Variants in PRRC2B observed in about 807,000 individuals in gnomAD.
The protein encoded by PRRC2B is proline rich coiled-coil 2B.
Under a neutral mutation model 242.3 loss-of-function variants are expected in PRRC2B, and 68 were observed. The observed-to-expected ratio is 0.28, with a 90% confidence interval of 0.23 to 0.34. The LOEUF is 0.34. Among genes scored for constraint, PRRC2B ranks in the 10% least tolerant of loss-of-function variants. The probability of loss-of-function intolerance (pLI) is 1.00; values close to 1 mark genes in which losing one functional copy is unlikely to be tolerated. For synonymous variants in PRRC2B, 1,228 were observed against 1,173.6 expected, an observed-to-expected ratio of 1.05 and a Z score of -0.95; for missense variants, 2,835 against 2,954.8, an observed-to-expected ratio of 0.96 and a Z score of 0.94.
At position 131,437,309 on chromosome 9, in the gene PRRC2B, C is replaced by T. The variant is rs746530702; in HGVS notation, c.396+587C>T. Among the ~76,000 whole-genome samples the T allele has an allele frequency of 3.3e-5, 5 of 152,302 alleles. 1 individual carries two copies. The highest frequency in any genetic ancestry group is 4.1e-4 in the South Asian group (2 of 4,820). On this transcript the variant is annotated intron_variant, in intron 4 of 31. Coordinates refer to ENST00000683519, the MANE Select transcript of PRRC2B (RefSeq NM_013318.4). ...CTAGGGACTAATGTCTCTCAGAACACGCTTTGGGAAATACGAAGCTACAAT... is the reference window on the plus strand; with the variant it reads ...CTAGGGACTAATGTCTCTCAGAACATGCTTTGGGAAATACGAAGCTACAAT...
chr9:131,474,210 C>T (rs56025430), intron 15 of PRRC2B, among the ~76,000 whole-genome samples: 1,526 of 152,310 alleles, frequency 0.01, 23 homozygotes, highest in Non-Finnish European at 0.013. Context: ...CTCTCAAGGA[C>T]TCCAGGGGCC....
rs749125303 is a variant in PRRC2B, at chr9:131,459,338, A to G, written c.1386A>G (p.Ala462=). ...CGCCCAGGAAGCTTCATGGCTGGGCACCAGGCCCTGACTACCAGGTACCAA... is the reference window on the plus strand; with the variant it reads ...CGCCCAGGAAGCTTCATGGCTGGGCGCCAGGCCCTGACTACCAGGTACCAA... ...QPPPRKLHGW[A]PGPDYQKSSM... is the part of the protein sequence containing the mutation. The change falls in exon 11 of 32, where the codon GCA becomes GCG. Residue 462 remains alanine (A), a synonymous_variant. Coordinates refer to ENST00000683519, the MANE Select transcript of PRRC2B (RefSeq NM_013318.4). 2 of 1,613,330 alleles carry G rather than the reference A, an allele frequency of 1.2e-6. No homozygotes were observed. Among genetic ancestry groups the G allele is most frequent in the African/African-American group, 2.7e-5 (2 of 74,928 alleles).
chr9:131,476,143 G>C lies in PRRC2B; in HGVS notation c.4014G>C (p.Gln1338His). ...AGGAGCCCCACCTGCTGGCAGGTCA[G>C]TGGCCAGGCAGGCCCAAACTGTGTT... ...PEEEPHLLAG[Q>H]WPGRPKLCSG... The change falls in exon 16 of 32, where the codon CAG becomes CAC. Residue 1338 changes from glutamine to histidine, a missense_variant. Gln to His is a conservative substitution (Grantham distance 24, BLOSUM62 0). This residue lies in a region of PRRC2B where 1,536 missense variants were observed against 1,483.1 expected (regional missense o/e 1.04). Coordinates refer to ENST00000683519, the MANE Select transcript of PRRC2B (RefSeq NM_013318.4). The C allele has an allele frequency of 2.5e-6, 4 of 1,611,482 alleles. No individual in the cohort carries two copies. The highest frequency in any genetic ancestry group is 3.4e-6 in the Non-Finnish European group (4 of 1,178,456).
intron 10 of PRRC2B, 89 bp from the exon 11 acceptor site, chr9:131,459,075 A>AATTGGGAATTCTCAAGGC: frequency 1.7e-6 from 2 of 1,158,540 alleles, no homozygotes; most frequent in Non-Finnish European, 2.5e-6. Context: ...TGGACAGCTG[A>AATTGGGAATTCTCAAGGC]CTTGGGAATT....
intron 28 of PRRC2B, 150 bp downstream of exon 28, chr9:131,488,246 C>T: frequency 1.8e-6 from 2 of 1,139,062 alleles, no homozygotes; most frequent in Non-Finnish European, 2.4e-6. Flanking sequence ...AGGAAATCAG[C>T]CTCTTCTGAG....
intron 16 of PRRC2B, 135 bp from the exon 17 acceptor site, chr9:131,477,609 T>C: frequency 1.6e-6 from 1 of 616,398 alleles, no homozygotes; most frequent in South Asian, 1.9e-5. Context: ...AGCCTGCCGC[T>C]CCTCCCCACC....
Position 131,495,958 on chromosome 9 carries a change from A to G in PRRC2B, c.*84A>G. ...GACACAGCCGACACTCGGGAGCCTCACCAGATCCACCGTCCAAATGCGTGG... is the reference window on the plus strand; with the variant it reads ...GACACAGCCGACACTCGGGAGCCTCGCCAGATCCACCGTCCAAATGCGTGG... On this transcript the variant is annotated 3_prime_UTR_variant, in exon 32 of 32. Transcript: ENST00000683519. The G allele has an allele frequency of 6.5e-7, 1 of 1,545,726 alleles. No individual in the cohort carries two copies. The highest frequency in any genetic ancestry group is 8.8e-7 in the Non-Finnish European group (1 of 1,140,264).
intron 4 of PRRC2B, among the ~76,000 whole-genome samples, 168 bp downstream of exon 4, chr9:131,436,890 G>A (rs1164406456): frequency 6.6e-6 from 1 of 152,152 alleles, no homozygotes; most frequent in Non-Finnish European, 1.5e-5. Context: ...ATGGGAAACC[G>A]TCAAGGTCAG....
chr9:131,478,548 A>T lies in PRRC2B; in HGVS notation c.4687A>T (p.Ile1563Phe), dbSNP rs1378843794. ...GGGTTCTATGGTGGGCGAAGGCTTC[A>T]TCGAAGTCCTGACCAAGAAGCAGCG... ...EVGSMVGEGF[I>F]EVLTKKQRRL... The change falls in exon 18 of 32, where the codon ATC becomes TTC. Residue 1563 changes from isoleucine to phenylalanine, a missense_variant. Physicochemically the swap from Ile to Phe is conservative, Grantham distance 21. Transcript: ENST00000683519. The T allele has an allele frequency of 6.2e-7, 1 of 1,609,030 alleles. No individual in the cohort carries two copies. The highest frequency in any genetic ancestry group is 2.2e-5 in the East Asian group (1 of 44,520).
chr9:131,473,543 A>G lies in PRRC2B; in HGVS notation c.2143A>G (p.Asn715Asp), dbSNP rs756832247. The G allele has an allele frequency of 8.1e-6, 13 of 1,608,660 alleles. No homozygotes were observed. The highest frequency in any genetic ancestry group is 1.1e-5 in the Non-Finnish European group (13 of 1,177,634). The change falls in exon 15 of 32, where the codon AAT (asparagine) becomes GAT (aspartate). Residue 715 changes from asparagine (N) to aspartate (D), a missense_variant. This residue lies in a region of PRRC2B where 1,536 missense variants were observed against 1,483.1 expected (regional missense o/e 1.04). Coordinates refer to ENST00000683519, the MANE Select transcript of PRRC2B (RefSeq NM_013318.4). Reference sequence around the variant, plus strand: ...GCCCATGATGCCCCAGGAGTCCCTCAATGGGACAGGCTGTCGCTCTGAGGA... The same window carrying G: ...GCCCATGATGCCCCAGGAGTCCCTCGATGGGACAGGCTGTCGCTCTGAGGA... ...MKPMMPQESLNGTGCRSEDQN... is the reference protein window; with the variant it reads ...MKPMMPQESLDGTGCRSEDQN...
At chr9:131,409,946 C>A (rs1837464324) in intron 1 of PRRC2B, among the ~76,000 whole-genome samples, 1 of 152,164 alleles carries the variant, frequency 6.6e-6, no homozygotes, top group Non-Finnish European at 1.5e-5. Flanking sequence ...TGTTAATTCA[C>A]CATTATTTGG....
At chr9:131,485,439 G>A (rs3824401) in intron 25 of PRRC2B, among the ~76,000 whole-genome samples, 47,341 of 152,028 alleles carry the variant, frequency 0.31, 8,968 homozygotes, top group Non-Finnish European at 0.44. Flanking sequence ...GAGCCGTGTC[G>A]CCTCGGCTGG....
chr9:131,467,470 G>C, intron 12 of PRRC2B, 93 bp from the exon 13 acceptor site: 1 of 1,133,350 alleles, frequency 8.8e-7, no homozygotes, highest in Non-Finnish European at 1.2e-6. Flanking sequence ...TGGAGCGTAC[G>C]GGCCAACAGG....
chr9:131,451,398 CA>C (rs150870383), intron 9 of PRRC2B, among the ~76,000 whole-genome samples: 21 of 147,368 alleles, frequency 1.4e-4, no homozygotes, highest in African/African-American at 4.0e-4. Flanking sequence ...GACTCCATCT[CA>C]AAAAAAAAAG....
intron 1 of PRRC2B, among the ~76,000 whole-genome samples, chr9:131,397,180 G>A (rs1424904291): frequency 2.0e-5 from 3 of 152,218 alleles, no homozygotes; most frequent in Non-Finnish European, 2.9e-5. Context: ...TAGGCCAGGA[G>A]ATAGTCGCTG....
intron 1 of PRRC2B, among the ~76,000 whole-genome samples, chr9:131,420,508 T>TCTTTCTTTCCTTCTTTCTTTC (rs1837807733): frequency 7.7e-6 from 1 of 129,504 alleles, no homozygotes; most frequent in Non-Finnish European, 1.6e-5. Flanking sequence ...TTTTTTTTTT[T>TCTTTCTTTCCTTCTTTCTTTC]TTGAGATGGA....
chr9:131,377,497 C>T (rs1836702516), intron 1 of PRRC2B, among the ~76,000 whole-genome samples: 2 of 151,790 alleles, frequency 1.3e-5, no homozygotes, highest in Non-Finnish European at 2.9e-5. Context: ...TTTAATTTTT[C>T]CTTTTTCTTT....
chr9:131,438,463 G>A (rs999984921), intron 4 of PRRC2B, among the ~76,000 whole-genome samples: 2 of 152,194 alleles, frequency 1.3e-5, no homozygotes, highest in Non-Finnish European at 2.9e-5. Flanking sequence ...AGGGTTCTCA[G>A]GAGGGGAGCT....
chr9:131,408,567 A>G (rs1234172582), intron 1 of PRRC2B, among the ~76,000 whole-genome samples: 1 of 152,234 alleles, frequency 6.6e-6, no homozygotes, highest in Non-Finnish European at 1.5e-5. Flanking sequence ...ATAGAAAGAG[A>G]AGAACCCAGG....
Sources: allele counts gnomAD v4.1 joint callset (sites outside exome capture counted in the v4.1 genomes callset), GRCh38; gene constraint gnomAD v4.1.1; regional missense constraint gnomAD v4.1.1; transcripts MANE v1.5; gene names NCBI Gene and HGNC (gene_info 2026-07-23, HGNC 2026-07-21).